ALCAM: variants seen among roughly 807,000 people sequenced by gnomAD.
ALCAM encodes the protein activated leukocyte cell adhesion molecule.
A neutral mutation model predicts 70.9 loss-of-function variants in ALCAM; 30 were observed. That is an observed-to-expected ratio of 0.42 (90% CI 0.32 to 0.57). The LOEUF (loss-of-function observed/expected upper bound fraction) is 0.57, where lower values mean the gene tolerates loss of function less well. ALCAM is among the 20% of genes least tolerant of loss of function. The pLI is 0.11. For synonymous variants in ALCAM, 249 were observed against 242.5 expected (o/e 1.03, Z -0.25); for missense variants, 591 against 695.1 (o/e 0.85, Z 1.68).
chr3:105,470,030 AT>A (rs988410890), intron 1 of ALCAM, among the ~76,000 whole-genome samples: 8 of 149,908 alleles, frequency 5.3e-5, no homozygotes, highest in African/African-American at 1.9e-4. Context: ...TGTATGGTAT[AT>A]TTTATATTAA....
At chr3:105,570,453 C>A (rs1940836642) in intron 14 of ALCAM, among the ~76,000 whole-genome samples, 1 of 151,958 alleles carries the variant, frequency 6.6e-6, no homozygotes, top group African/African-American at 2.4e-5. Flanking sequence ...CACAGATGGG[C>A]CACAGCAGAG....
In ALCAM at chr3:105,390,346, A is replaced by T. The variant is rs145891160; in HGVS notation, c.73+22865A>T. On this transcript the variant is annotated intron_variant, in intron 1 of 15. Coordinates refer to ENST00000306107, the MANE Select transcript of ALCAM (RefSeq NM_001627.4). The stretch of plus-strand genomic sequence containing the variant: ...TTTGATTTGCATTTCTCTAATGATT[A>T]GTGACTTTGAGCTTTGTTTATATAT... Among the ~76,000 whole-genome samples, 324 of 152,174 alleles carry T rather than the reference A, an allele frequency of 2.1e-3. 2 individuals carry two copies. Among genetic ancestry groups the T allele is most frequent in the East Asian group, 0.021 (109 of 5,176 alleles).
At chr3:105,368,257 G>GAGAGAGAGAGAGAGAGAGAGAGAGAT in intron 1 of ALCAM, among the ~76,000 whole-genome samples, 1 of 146,272 alleles carries the variant, frequency 6.8e-6, no homozygotes, top group East Asian at 2.0e-4. Context: ...GAGAGAGAGA[G>GAGAGAGAGAGAGAGAGAGAGAGAGAT]AGAGAGAAAA....
chr3:105,521,009 A>C (rs1939521543), intron 2 of ALCAM, among the ~76,000 whole-genome samples: 1 of 152,220 alleles, frequency 6.6e-6, no homozygotes, highest in Non-Finnish European at 1.5e-5. Context: ...ACTTTACAAA[A>C]AGTTTATTGC....
chr3:105,460,961 A>C (rs893997327), intron 1 of ALCAM, among the ~76,000 whole-genome samples: 7 of 149,370 alleles, frequency 4.7e-5, no homozygotes, highest in African/African-American at 1.7e-4. Flanking sequence ...ATATAGATAG[A>C]AGCTTCAGGA....
chr3:105,566,128 G>A (rs1207886829), intron 14 of ALCAM, among the ~76,000 whole-genome samples: 2 of 152,106 alleles, frequency 1.3e-5, no homozygotes, highest in African/African-American at 4.8e-5. Flanking sequence ...CATGTTTATG[G>A]CAAGAGAGCT....
intron 1 of ALCAM, among the ~76,000 whole-genome samples, chr3:105,451,131 G>T (rs1440693438): frequency 6.6e-6 from 1 of 152,100 alleles, no homozygotes; most frequent in East Asian, 1.9e-4. Flanking sequence ...GAGCATGGTG[G>T]TGCAACCCTG....
chr3:105,547,126 T>C (rs969435663), intron 9 of ALCAM, 23 bp from the exon 10 acceptor site: 30 of 1,516,110 alleles, frequency 2.0e-5, no homozygotes, highest in Non-Finnish European at 2.5e-5. Flanking sequence ...CCACATGAGG[T>C]AATTTACTTT....
intron 1 of ALCAM, among the ~76,000 whole-genome samples, chr3:105,507,676 C>T (rs1222912854): frequency 6.6e-6 from 1 of 152,098 alleles, no homozygotes; most frequent in Non-Finnish European, 1.5e-5. Flanking sequence ...TGTTGAAGGA[C>T]ATCTTGTCCA....
chr3:105,571,657 AACCCCATC>A (rs1940863589), intron 14 of ALCAM, among the ~76,000 whole-genome samples, 187 bp from the exon 15 acceptor site: 1 of 152,194 alleles, frequency 6.6e-6, no homozygotes, highest in Non-Finnish European at 1.5e-5. Flanking sequence ...CATTTACTGG[AACCCCATC>A]ACCAAGCTAA....
At chr3:105,483,425 AC>A (rs1938328118) in intron 1 of ALCAM, among the ~76,000 whole-genome samples, 1 of 152,094 alleles carries the variant, frequency 6.6e-6, no homozygotes, top group Non-Finnish European at 1.5e-5. Context: ...TAGTAGCGAA[AC>A]CCAGGGTGAC....
At chr3:105,455,729 G>A (rs1039303404) in intron 1 of ALCAM, among the ~76,000 whole-genome samples, 1 of 152,214 alleles carries the variant, frequency 6.6e-6, no homozygotes, top group African/African-American at 2.4e-5. Flanking sequence ...CGCCTTTCCA[G>A]GCAATAACCC....
intron 1 of ALCAM, among the ~76,000 whole-genome samples, chr3:105,443,365 T>C (rs1489039997): frequency 6.6e-6 from 1 of 152,222 alleles, no homozygotes; most frequent in Non-Finnish European, 1.5e-5. Context: ...ATTTCCATTG[T>C]GTTGAAAACC....
chr3:105,418,856 T>C (rs1936573889), intron 1 of ALCAM, among the ~76,000 whole-genome samples: 1 of 151,812 alleles, frequency 6.6e-6, no homozygotes, highest in African/African-American at 2.4e-5. Flanking sequence ...ACAAATTCTG[T>C]TACTTTCACA....
At chr3:105,499,793 G>A (rs1938868173) in intron 1 of ALCAM, among the ~76,000 whole-genome samples, 1 of 152,154 alleles carries the variant, frequency 6.6e-6, no homozygotes. Flanking sequence ...TTTCTAGACA[G>A]AACAGACAGC....
At chr3:105,374,887 C>A (rs1009184431) in intron 1 of ALCAM, among the ~76,000 whole-genome samples, 15 of 152,112 alleles carry the variant, frequency 9.9e-5, no homozygotes, top group African/African-American at 3.6e-4. Flanking sequence ...CATTGTATTC[C>A]CTTGGCAATA....
intron 1 of ALCAM, among the ~76,000 whole-genome samples, chr3:105,420,774 T>A (rs1295780154): frequency 6.6e-6 from 1 of 151,512 alleles, no homozygotes; most frequent in Non-Finnish European, 1.5e-5. Flanking sequence ...CACCTAATTA[T>A]AATGCACAGA....
chr3:105,510,640 G>A (rs550513396), intron 1 of ALCAM, among the ~76,000 whole-genome samples: 1 of 152,170 alleles, frequency 6.6e-6, no homozygotes, highest in East Asian at 1.9e-4. Flanking sequence ...TCTGAGAGCA[G>A]GCACATTCCC....
chr3:105,377,438 C>T (rs1576119565), intron 1 of ALCAM, among the ~76,000 whole-genome samples: 1 of 152,082 alleles, frequency 6.6e-6, no homozygotes, highest in South Asian at 2.1e-4. Context: ...GAGTACACAT[C>T]TTTAAAAAAA....
Sources: gnomAD v4.1 joint callset for allele counts (sites outside exome capture counted in the v4.1 genomes callset) on GRCh38, gnomAD v4.1.1 for gene constraint, MANE v1.5 for transcripts, NCBI Gene and HGNC (gene_info 2026-07-23, HGNC 2026-07-21) for gene names.